MAML2: variants seen among roughly 807,000 people sequenced by gnomAD.
MAML2 encodes the protein mastermind-like protein 2.
A neutral mutation model predicts 96.1 loss-of-function variants in MAML2; 22 were observed. The observed-to-expected ratio is 0.23, with a 90% CI of 0.16 to 0.33. The LOEUF is 0.33. Ranked by LOEUF, MAML2 falls within the 10% of genes least tolerant of loss-of-function variation. The pLI is 1.00. For missense variants in MAML2, 1,367 were observed against 1,392.4 expected (o/e 0.98, Z 0.29); for synonymous variants, 561 against 521.3 (o/e 1.08, Z -1.04).
chr11:96,022,278 T>C (rs1858447933), intron 2 of MAML2, among the ~76,000 whole-genome samples: 1 of 152,210 alleles, frequency 6.6e-6, no homozygotes, highest in South Asian at 2.1e-4. Context: ...GTCCTGAATC[T>C]TTCCTGAGAC....
At chr11:96,192,630 C>T (rs1861670244) in intron 1 of MAML2, among the ~76,000 whole-genome samples, 1 of 152,146 alleles carries the variant, frequency 6.6e-6, no homozygotes. Context: ...TAATTGTTTT[C>T]AAAAGATCAG....
At chr11:96,087,694 G>C (rs948000246) in intron 2 of MAML2, among the ~76,000 whole-genome samples, 3 of 152,074 alleles carry the variant, frequency 2.0e-5, no homozygotes, top group African/African-American at 7.2e-5. Context: ...TTAGGACTTT[G>C]GCTTGGTTTT....
chr11:96,076,428 T>TCACACACA (rs1451144164), intron 2 of MAML2, among the ~76,000 whole-genome samples: 1 of 88,318 alleles, frequency 1.1e-5, no homozygotes, highest in African/African-American at 4.9e-5. Context: ...TCTCTCTCTC[T>TCACACACA]CTCTCACACA....
At chr11:96,114,935 T>C (rs913622448) in intron 1 of MAML2, among the ~76,000 whole-genome samples, 2 of 152,096 alleles carry the variant, frequency 1.3e-5, no homozygotes, top group Non-Finnish European at 2.9e-5. Context: ...AAGACTGTTG[T>C]CAAGATCTCT....
chr11:96,341,354 C>A (rs1451738963), intron 1 of MAML2, 29 bp downstream of exon 1: 1 of 1,496,932 alleles, frequency 6.7e-7, no homozygotes, highest in Non-Finnish European at 9.0e-7. Flanking sequence ...AGGACCACAG[C>A]CAGAACCATG....
chr11:96,065,329 G>A (rs932698352), intron 2 of MAML2, among the ~76,000 whole-genome samples: 1 of 152,068 alleles, frequency 6.6e-6, no homozygotes. Flanking sequence ...GGCAAAGTAT[G>A]TGATTTTAAA....
At chr11:96,227,792 C>T (rs1186696679) in intron 1 of MAML2, among the ~76,000 whole-genome samples, 2 of 152,296 alleles carry the variant, frequency 1.3e-5, no homozygotes, top group African/African-American at 2.4e-5. Flanking sequence ...ATGTCTCTGT[C>T]GCCATCGAAT....
intron 2 of MAML2, among the ~76,000 whole-genome samples, chr11:96,043,626 A>C (rs912915693): frequency 6.6e-6 from 1 of 152,254 alleles, no homozygotes; most frequent in Non-Finnish European, 1.5e-5. Flanking sequence ...ATCCCTGTTC[A>C]TTTCCTCTGG....
At chr11:96,091,812 A>G in intron 2 of MAML2, 80 bp downstream of exon 2, 2 of 1,514,482 alleles carry the variant, frequency 1.3e-6, no homozygotes, top group Non-Finnish European at 1.8e-6. Flanking sequence ...GTCCCAATAC[A>G]AACATAATGG....
intron 1 of MAML2, among the ~76,000 whole-genome samples, chr11:96,322,671 G>A (rs530861592): frequency 6.6e-6 from 1 of 152,306 alleles, no homozygotes; most frequent in East Asian, 1.9e-4. Flanking sequence ...CACCCTGGGG[G>A]CCACGGAGCG....
intron 1 of MAML2, among the ~76,000 whole-genome samples, chr11:96,259,295 A>G (rs1302340742): frequency 1.3e-5 from 2 of 152,136 alleles, no homozygotes; most frequent in Admixed American, 6.5e-5. Flanking sequence ...TTGATAGACT[A>G]TGGGGAACAG....
intron 1 of MAML2, among the ~76,000 whole-genome samples, chr11:96,221,559 T>C (rs1862138030): frequency 6.6e-6 from 1 of 152,150 alleles, no homozygotes; most frequent in African/African-American, 2.4e-5. Flanking sequence ...ATCATAAGGA[T>C]AAAATATGGA....
chr11:96,284,820 G>C (rs1013549420), intron 1 of MAML2, among the ~76,000 whole-genome samples: 1 of 152,190 alleles, frequency 6.6e-6, no homozygotes, highest in Non-Finnish European at 1.5e-5. Flanking sequence ...AGTCTCTTCA[G>C]TTACTCTAAC....
intron 1 of MAML2, among the ~76,000 whole-genome samples, chr11:96,297,672 A>G (rs1160682775): frequency 6.6e-6 from 1 of 152,242 alleles, no homozygotes; most frequent in Non-Finnish European, 1.5e-5. Flanking sequence ...TCAAACATAC[A>G]TAAATTAAAG....
chr11:96,299,808 A>G (rs1175829039), intron 1 of MAML2, among the ~76,000 whole-genome samples: 1 of 152,160 alleles, frequency 6.6e-6, no homozygotes, highest in East Asian at 1.9e-4. Context: ...CCATGACTTT[A>G]TATGTACTTC....
chr11:96,318,063 A>C (rs2136008957), intron 1 of MAML2, among the ~76,000 whole-genome samples: 1 of 152,272 alleles, frequency 6.6e-6, no homozygotes, highest in Middle Eastern at 3.4e-3. Flanking sequence ...AATATCTTGG[A>C]TATTTTGGGT....
Position 96,101,819 on chromosome 11 carries a change from C to T in MAML2, c.514-8302G>A, listed in dbSNP as rs148656122. Among the ~76,000 whole-genome samples, 34 of 152,278 alleles carry T rather than the reference C, an allele frequency of 2.2e-4. No homozygotes were observed. In the East Asian group the frequency reaches 6.6e-3, roughly 29 times the overall value. On this transcript the variant is annotated intron_variant, in intron 1 of 4. Transcript: ENST00000524717. ...AAAAGAGAAAATGAAGGTAACAAAA[C>T]CAGATTTTTTTCTCCTCATCTGTAA...
chr11:96,162,240 TCTGA>T (rs1231522174), intron 1 of MAML2, among the ~76,000 whole-genome samples: 1 of 145,728 alleles, frequency 6.9e-6, no homozygotes, highest in Non-Finnish European at 1.5e-5. Context: ...CAGAATCAGG[TCTGA>T]CTTTTTTTTT....
intron 1 of MAML2, among the ~76,000 whole-genome samples, chr11:96,134,836 G>A (rs1316587915): frequency 2.0e-5 from 3 of 152,278 alleles, no homozygotes; most frequent in East Asian, 1.9e-4. Flanking sequence ...ACTCTATCAT[G>A]TATTAGGAGA....
Sources: gnomAD v4.1 joint callset for allele counts (sites outside exome capture counted in the v4.1 genomes callset) on GRCh38, gnomAD v4.1.1 for gene constraint, MANE v1.5 for transcripts, NCBI Gene and HGNC (gene_info 2026-07-23, HGNC 2026-07-21) for gene names.